Variants in PRELID2 observed in about 807,000 individuals in gnomAD.
The protein encoded by PRELID2 is PRELI domain-containing protein 2.
A neutral mutation model predicts 28.4 loss-of-function variants in PRELID2; 25 were observed. The observed-to-expected ratio is 0.88, with a 90% CI of 0.64 to 1.23. The LOEUF is 1.23. Ranked by LOEUF, PRELID2 falls within the 50% of genes most tolerant of loss-of-function variation. The pLI is 0.00. For missense variants in PRELID2, 201 were observed against 214.4 expected (o/e 0.94, Z 0.39); for synonymous variants, 76 against 71.6 (o/e 1.06, Z -0.31).
chr5:145,694,603 C>A (rs1271681401), intron 1 of PRELID2, among the ~76,000 whole-genome samples: 4 of 152,064 alleles, frequency 2.6e-5, no homozygotes, highest in Admixed American at 2.6e-4. Flanking sequence ...TAAGGTATGA[C>A]TGTAGTTTTT....
intron 1 of PRELID2, among the ~76,000 whole-genome samples, chr5:145,827,366 G>C (rs1288766690): frequency 6.6e-6 from 1 of 152,124 alleles, no homozygotes; most frequent in African/African-American, 2.4e-5. Flanking sequence ...AATGATCAAG[G>C]ACAAAACGTA....
chr5:145,384,699 G>T, the PRELID2 span, among the ~76,000 whole-genome samples: 5 of 152,202 alleles, frequency 3.3e-5, no homozygotes, highest in East Asian at 9.7e-4. Context: ...TCAGCTTCTG[G>T]GCATGCCTCT....
At chr5:145,578,387 AT>A (rs1319255484) in intron 1 of PRELID2, among the ~76,000 whole-genome samples, 1 of 152,088 alleles carries the variant, frequency 6.6e-6, no homozygotes, top group Non-Finnish European at 1.5e-5. Context: ...AGAAAGTATG[AT>A]TTGAGTCCCA....
intron 5 of PRELID2, among the ~76,000 whole-genome samples, chr5:145,789,827 C>A: frequency 1.3e-5 from 2 of 151,962 alleles, no homozygotes; most frequent in East Asian, 1.9e-4. Flanking sequence ...AAGAAATGGG[C>A]AAAGAACCAG....
chr5:145,339,011 AT>A, the PRELID2 span, among the ~76,000 whole-genome samples: 1 of 152,146 alleles, frequency 6.6e-6, no homozygotes, highest in African/African-American at 2.4e-5. Flanking sequence ...AAATAGCCCA[AT>A]TTTTATAAGG....
At chr5:145,288,466 T>C in the PRELID2 span, among the ~76,000 whole-genome samples, 1 of 152,106 alleles carries the variant, frequency 6.6e-6, no homozygotes, top group African/African-American at 2.4e-5. Flanking sequence ...TTCTTAAATT[T>C]TGACAATATA....
chr5:145,232,466 C>T, the PRELID2 span, among the ~76,000 whole-genome samples: 2 of 151,976 alleles, frequency 1.3e-5, no homozygotes, highest in Non-Finnish European at 2.9e-5. Flanking sequence ...AGAATGAGTG[C>T]CCCAGATGAT....
chr5:145,518,387 A>G (rs1320735223), intron 1 of PRELID2, among the ~76,000 whole-genome samples: 1 of 151,862 alleles, frequency 6.6e-6, no homozygotes, highest in African/African-American at 2.4e-5. Flanking sequence ...TTTAGTAGAG[A>G]TGGGGTTTTA....
the PRELID2 span, among the ~76,000 whole-genome samples, chr5:145,332,841 A>G: frequency 6.6e-6 from 1 of 152,128 alleles, no homozygotes; most frequent in Non-Finnish European, 1.5e-5. Flanking sequence ...TTGAAGAAGA[A>G]GAGTCATTCT....
At chr5:145,346,368 T>C in the PRELID2 span, among the ~76,000 whole-genome samples, 1 of 152,160 alleles carries the variant, frequency 6.6e-6, no homozygotes, top group East Asian at 1.9e-4. Flanking sequence ...ACAGCACTGA[T>C]AGCTTCTACT....
chr5:145,453,917 A>G, the PRELID2 span, among the ~76,000 whole-genome samples: 2 of 152,198 alleles, frequency 1.3e-5, no homozygotes, highest in East Asian at 1.9e-4. Flanking sequence ...TAGTGCTGCA[A>G]TAAACATACG....
intron 1 of PRELID2, among the ~76,000 whole-genome samples, chr5:145,485,343 T>C (rs919563825): frequency 6.6e-6 from 1 of 152,320 alleles, no homozygotes; most frequent in East Asian, 1.9e-4. Context: ...TATGTATATC[T>C]GACAATTTAA....
intron 1 of PRELID2, among the ~76,000 whole-genome samples, chr5:145,721,288 A>G (rs751640953): frequency 2.6e-5 from 4 of 152,140 alleles, no homozygotes; most frequent in Non-Finnish European, 4.4e-5. Flanking sequence ...GATCTCACAG[A>G]TTCCATGAAA....
At chr5:145,349,452 G>T in the PRELID2 span, among the ~76,000 whole-genome samples, 1 of 152,044 alleles carries the variant, frequency 6.6e-6, no homozygotes, top group South Asian at 2.1e-4. Flanking sequence ...CCTCCTAGTG[G>T]AGGTACACAG....
In PRELID2 at chr5:145,757,826, A is replaced by G. The variant is rs1332598302; in HGVS notation, c.*2710T>C. On this transcript the variant is annotated 3_prime_UTR_variant, in exon 7 of 7. Transcript: ENST00000683046. ...CAAAAAAAAGTAAATGAAAAAAAAAAAAAAAAAGACCATAAAATTTCTAAG... is the reference window on the plus strand; with the variant it reads ...CAAAAAAAAGTAAATGAAAAAAAAAGAAAAAAAGACCATAAAATTTCTAAG... 2.0e-5 allele frequency among the ~76,000 whole-genome samples: 3 copies of G among 151,790 alleles called. No homozygotes were observed. Among genetic ancestry groups the G allele is most frequent in the Non-Finnish European group, 4.4e-5 (3 of 67,958 alleles).
intron 1 of PRELID2, among the ~76,000 whole-genome samples, chr5:145,480,656 T>A (rs1025433482): frequency 6.6e-6 from 1 of 152,182 alleles, no homozygotes; most frequent in African/African-American, 2.4e-5. Flanking sequence ...TAAAAAGGAC[T>A]GTTTGACCAA....
chr5:145,576,990 G>C (rs1255986538), intron 1 of PRELID2, among the ~76,000 whole-genome samples: 1 of 152,128 alleles, frequency 6.6e-6, no homozygotes, highest in Non-Finnish European at 1.5e-5. Flanking sequence ...CATTATGCTT[G>C]TTGCAGCGTT....
At chr5:145,423,010 G>T in the PRELID2 span, among the ~76,000 whole-genome samples, 2 of 146,358 alleles carry the variant, frequency 1.4e-5, no homozygotes, top group Non-Finnish European at 3.0e-5. Flanking sequence ...AGTTTGGCTG[G>T]ATATGAAATT....
At chr5:145,688,438 T>G (rs17103619) in intron 1 of PRELID2, among the ~76,000 whole-genome samples, 4,288 of 152,288 alleles carry the variant, frequency 0.028, 186 homozygotes, top group African/African-American at 0.094. Context: ...AAATATTTAT[T>G]CAGCTACCTA....
Sources: gnomAD v4.1 joint callset for allele counts (sites outside exome capture counted in the v4.1 genomes callset) on GRCh38, gnomAD v4.1.1 for gene constraint, MANE v1.5 for transcripts, NCBI Gene and HGNC (gene_info 2026-07-23, HGNC 2026-07-21) for gene names.